RBFOX1: variants seen among roughly 807,000 people sequenced by gnomAD.
RBFOX1 encodes RNA binding protein fox-1 homolog 1.
A neutral mutation model predicts 57.7 loss-of-function variants in RBFOX1; 8 were observed. The ratio of observed to expected loss-of-function variants is 0.14; its 90% CI spans 0.08 to 0.25. The LOEUF (loss-of-function observed/expected upper bound fraction) is 0.25, where lower values mean the gene tolerates loss of function less well. Ranked by LOEUF, RBFOX1 falls within the 10% of genes least tolerant of loss-of-function variation. The pLI, the probability that RBFOX1 is intolerant of heterozygous loss-of-function variation, is 1.00. For missense variants in RBFOX1, 611 were observed against 548.5 expected (o/e 1.11, Z -1.14); for synonymous variants, 326 against 222.4 (o/e 1.47, Z -4.15).
At chr16:6,148,400 C>G (rs1451872127) in intron 1 of RBFOX1, among the ~76,000 whole-genome samples, 4 of 152,186 alleles carry the variant, frequency 2.6e-5, no homozygotes, top group African/African-American at 4.8e-5. Context: ...TTTTCTATTT[C>G]TCAAACTCCT....
At chr16:7,194,811 C>G (rs905511289) in intron 4 of RBFOX1, among the ~76,000 whole-genome samples, 7 of 151,728 alleles carry the variant, frequency 4.6e-5, no homozygotes, top group African/African-American at 1.2e-4. Flanking sequence ...GCCTGTGGTT[C>G]TCGCCACTAG....
At chr16:7,557,758 C>T (rs1241804709) in intron 5 of RBFOX1, among the ~76,000 whole-genome samples, 2 of 151,004 alleles carry the variant, frequency 1.3e-5, no homozygotes, top group Non-Finnish European at 2.9e-5. Context: ...CAGTGAAGTG[C>T]TAGTAAATGC....
At chr16:7,024,473 C>G (rs895442013) in intron 3 of RBFOX1, among the ~76,000 whole-genome samples, 4 of 152,194 alleles carry the variant, frequency 2.6e-5, no homozygotes, top group East Asian at 1.9e-4. Context: ...TAGCTTCTCT[C>G]TCATGCACTT....
intron 1 of RBFOX1, among the ~76,000 whole-genome samples, chr16:6,204,415 C>G (rs892509604): frequency 2.0e-5 from 3 of 152,042 alleles, no homozygotes; most frequent in African/African-American, 7.2e-5. Context: ...ATGTTTTTTT[C>G]TAGAAGGGCC....
intron 4 of RBFOX1, among the ~76,000 whole-genome samples, chr16:7,407,388 G>C (rs1265368636): frequency 6.6e-6 from 1 of 150,972 alleles, no homozygotes; most frequent in Non-Finnish European, 1.5e-5. Flanking sequence ...GTGTGTGTGT[G>C]TGTGTGTGTG....
chr16:5,950,789 G>C (rs1316201974), intron 4 of RBFOX1, among the ~76,000 whole-genome samples: 2 of 152,040 alleles, frequency 1.3e-5, no homozygotes, highest in Non-Finnish European at 2.9e-5. Context: ...TTTCCCTTGA[G>C]GGTAGGATAC....
At chr16:5,243,324 A>G (rs894415098) in intron 1 of RBFOX1, among the ~76,000 whole-genome samples, 1 of 152,192 alleles carries the variant, frequency 6.6e-6, no homozygotes, top group Non-Finnish European at 1.5e-5. Context: ...GAAATCCCTG[A>G]TGGACGCACC....
intron 3 of RBFOX1, among the ~76,000 whole-genome samples, chr16:5,681,232 C>T (rs2050322726): frequency 6.8e-6 from 1 of 147,162 alleles, no homozygotes; most frequent in Non-Finnish European, 1.5e-5. Context: ...TGCCACCATG[C>T]CTGGCTAATT....
At chr16:5,764,839 C>T (rs1042443598) in intron 3 of RBFOX1, among the ~76,000 whole-genome samples, 1 of 152,082 alleles carries the variant, frequency 6.6e-6, no homozygotes, top group African/African-American at 2.4e-5. Context: ...TATTATTTAC[C>T]AGCCACAGAA....
intron 4 of RBFOX1, among the ~76,000 whole-genome samples, chr16:7,164,282 A>C (rs549594855): frequency 6.6e-6 from 1 of 152,294 alleles, no homozygotes; most frequent in South Asian, 2.1e-4. Flanking sequence ...AGGTTGCTGC[A>C]AATGCCATTA....
chr16:5,745,311 A>G (rs1341228937), intron 3 of RBFOX1, among the ~76,000 whole-genome samples: 1 of 152,184 alleles, frequency 6.6e-6, no homozygotes, highest in African/African-American at 2.4e-5. Flanking sequence ...CATGGTGTAT[A>G]TGTGCCACAA....
At chr16:6,064,911 C>T (rs1219863182) in intron 1 of RBFOX1, among the ~76,000 whole-genome samples, 2 of 151,908 alleles carry the variant, frequency 1.3e-5, no homozygotes, top group African/African-American at 4.8e-5. Flanking sequence ...GATCTCAAGA[C>T]ATGGAGAATC....
chr16:5,849,930 A>C (rs2056851602), intron 3 of RBFOX1, among the ~76,000 whole-genome samples: 1 of 152,122 alleles, frequency 6.6e-6, no homozygotes, highest in Non-Finnish European at 1.5e-5. Flanking sequence ...ACTCAAAGGG[A>C]ATGTTATATT....
chr16:6,545,769 C>G (rs1181181913), intron 2 of RBFOX1, among the ~76,000 whole-genome samples: 1 of 152,170 alleles, frequency 6.6e-6, no homozygotes, highest in Non-Finnish European at 1.5e-5. Context: ...CTGATGGCAT[C>G]TTTGTGAGGA....
intron 3 of RBFOX1, among the ~76,000 whole-genome samples, chr16:6,892,181 T>C (rs187263296): frequency 6.6e-6 from 1 of 152,250 alleles, no homozygotes; most frequent in East Asian, 1.9e-4. Context: ...TTGGCGATTT[T>C]ATGCAAAGTT....
intron 3 of RBFOX1, among the ~76,000 whole-genome samples, chr16:6,809,975 C>T (rs989393496): frequency 6.6e-6 from 1 of 151,262 alleles, no homozygotes; most frequent in Non-Finnish European, 1.5e-5. Context: ...GATCAGACAT[C>T]TAGAGCTTGT....
intron 2 of RBFOX1, among the ~76,000 whole-genome samples, chr16:5,530,156 G>A (rs764044566): frequency 6.6e-6 from 1 of 152,112 alleles, no homozygotes; most frequent in Non-Finnish European, 1.5e-5. Flanking sequence ...CTTAGAGCCT[G>A]AGAGCTCTGA....
At chr16:7,321,003 T>C (rs975496861) in intron 4 of RBFOX1, among the ~76,000 whole-genome samples, 10 of 152,148 alleles carry the variant, frequency 6.6e-5, no homozygotes, top group Admixed American at 1.3e-4. Flanking sequence ...ACATTGCTAT[T>C]ACGATAAAAA....
At chr16:6,741,869 C>G (rs12446854) in intron 3 of RBFOX1, among the ~76,000 whole-genome samples, 13,547 of 152,036 alleles carry the variant, frequency 0.089, 738 homozygotes, top group East Asian at 0.16. Flanking sequence ...TCAAAGCATA[C>G]AAAGTTTTAG....
Sources: gnomAD v4.1 joint callset for allele counts (sites outside exome capture counted in the v4.1 genomes callset) on GRCh38, gnomAD v4.1.1 for gene constraint, MANE v1.5 for transcripts, NCBI Gene and HGNC (gene_info 2026-07-23, HGNC 2026-07-21) for gene names.